Variants in MAGI2 observed in about 807,000 individuals in gnomAD.
The protein encoded by MAGI2 is membrane-associated guanylate kinase, WW and PDZ domain-containing protein 2.
A neutral mutation model predicts 133.3 loss-of-function variants in MAGI2; 35 were observed. That is an observed-to-expected ratio of 0.26 (90% CI 0.20 to 0.35). MAGI2 has a LOEUF of 0.35. Among genes scored for constraint, MAGI2 ranks in the 10% least tolerant of loss-of-function variants. The probability of loss-of-function intolerance (pLI) is 1.00; values close to 1 mark genes in which losing one functional copy is unlikely to be tolerated. For missense variants in MAGI2, 1,636 were observed against 1,863.4 expected (o/e 0.88, Z 2.25); for synonymous variants, 729 against 710.6 (o/e 1.03, Z -0.41).
chr7:78,148,513 A>G (rs1461023924), intron 16 of MAGI2, among the ~76,000 whole-genome samples: 2 of 152,204 alleles, frequency 1.3e-5, no homozygotes, highest in African/African-American at 4.8e-5. Context: ...AAAAAGCAGA[A>G]GGAGATAAGA....
chr7:78,209,093 G>T (rs1465198026), intron 10 of MAGI2, among the ~76,000 whole-genome samples: 2 of 130,712 alleles, frequency 1.5e-5, no homozygotes, highest in Non-Finnish European at 3.4e-5. Flanking sequence ...GTGGTGGCGG[G>T]CGCCTGTAGT....
At chr7:78,609,244 T>C (rs566643815) in intron 3 of MAGI2, among the ~76,000 whole-genome samples, 2 of 152,298 alleles carry the variant, frequency 1.3e-5, no homozygotes, top group South Asian at 4.1e-4. Context: ...TTTGCATCCT[T>C]CAGTGCAATC....
chr7:78,916,687 A>G (rs1431831485), intron 2 of MAGI2, among the ~76,000 whole-genome samples: 1 of 152,106 alleles, frequency 6.6e-6, no homozygotes, highest in Non-Finnish European at 1.5e-5. Flanking sequence ...ATAAACAAAC[A>G]AGATAGTCAC....
chr7:78,173,103 G>A (rs112812145), intron 14 of MAGI2, among the ~76,000 whole-genome samples: 1 of 152,156 alleles, frequency 6.6e-6, no homozygotes, highest in South Asian at 2.1e-4. Context: ...GTAATCTGAG[G>A]AGGCTTATCA....
chr7:78,138,624 T>TTC (rs1291311551), intron 16 of MAGI2, among the ~76,000 whole-genome samples: 6 of 27,138 alleles, frequency 2.2e-4, no homozygotes, highest in African/African-American at 5.8e-4. Context: ...AAAACATAGA[T>TTC]TCACACACAC....
At chr7:78,252,114 T>G (rs1011065996) in intron 10 of MAGI2, 1 of 138,268 alleles carries the variant, frequency 7.2e-6, no homozygotes, top group Non-Finnish European at 1.5e-5. Context: ...CTGTAGCTTA[T>G]GCAACAGAGT....
At chr7:79,028,561 C>T (rs1415522032) in intron 1 of MAGI2, among the ~76,000 whole-genome samples, 1 of 151,796 alleles carries the variant, frequency 6.6e-6, no homozygotes, top group East Asian at 1.9e-4. Context: ...CAGAACGTTA[C>T]TATCTTATTA....
chr7:78,917,870 G>A (rs892640058), intron 2 of MAGI2, among the ~76,000 whole-genome samples: 4 of 152,134 alleles, frequency 2.6e-5, no homozygotes, highest in African/African-American at 9.7e-5. Flanking sequence ...CTAAACAGAA[G>A]CGATTCATAA....
At chr7:78,598,570 G>A (rs1804859734) in intron 3 of MAGI2, among the ~76,000 whole-genome samples, 1 of 152,148 alleles carries the variant, frequency 6.6e-6, no homozygotes, top group East Asian at 1.9e-4. Flanking sequence ...AACCCCAAAG[G>A]ATTTTTAAGC....
At chr7:78,187,134 A>T (rs2150712422) in intron 12 of MAGI2, among the ~76,000 whole-genome samples, 1 of 152,264 alleles carries the variant, frequency 6.6e-6, no homozygotes, top group African/African-American at 2.4e-5. Context: ...TACAGATAAA[A>T]ATTAACTAAA....
At chr7:79,409,300 T>G (rs1846001882) in intron 1 of MAGI2, among the ~76,000 whole-genome samples, 1 of 152,090 alleles carries the variant, frequency 6.6e-6, no homozygotes, top group African/African-American at 2.4e-5. Flanking sequence ...CTCTCCCTCT[T>G]ATTTTTTTAA....
chr7:78,345,557 C>G (rs1790814779), intron 8 of MAGI2: 1 of 204,150 alleles, frequency 4.9e-6, no homozygotes, highest in African/African-American at 2.4e-5. Flanking sequence ...AGGTAATGTC[C>G]ATGAGGAGCT....
At chr7:79,285,541 C>T (rs1169210570) in intron 1 of MAGI2, among the ~76,000 whole-genome samples, 1 of 152,122 alleles carries the variant, frequency 6.6e-6, no homozygotes, top group Non-Finnish European at 1.5e-5. Flanking sequence ...CTTTAGGCAA[C>T]AAGTTTCTAA....
At chr7:78,562,488 T>C (rs181384650) in intron 3 of MAGI2, among the ~76,000 whole-genome samples, 10 of 152,314 alleles carry the variant, frequency 6.6e-5, no homozygotes, top group Admixed American at 6.5e-4. Context: ...GATTGGAACA[T>C]ATTGCAATGG....
chr7:78,687,827 G>A (rs1816503160), intron 2 of MAGI2, among the ~76,000 whole-genome samples: 1 of 151,330 alleles, frequency 6.6e-6, no homozygotes, highest in African/African-American at 2.4e-5. Flanking sequence ...AAATTAGTTG[G>A]GCAGTATTGG....
At chr7:78,608,628 G>A (rs1395706633) in intron 3 of MAGI2, among the ~76,000 whole-genome samples, 1 of 152,036 alleles carries the variant, frequency 6.6e-6, no homozygotes, top group Non-Finnish European at 1.5e-5. Flanking sequence ...TGACTTGAGA[G>A]TTACAATTTA....
chr7:78,957,363 A>G (rs987607456), intron 2 of MAGI2, among the ~76,000 whole-genome samples: 1 of 151,500 alleles, frequency 6.6e-6, no homozygotes, highest in African/African-American at 2.4e-5. Flanking sequence ...CATTGCATAC[A>G]TGTTTTCTAA....
At chr7:78,433,452 G>A (rs1799982222) in intron 6 of MAGI2, among the ~76,000 whole-genome samples, 1 of 151,944 alleles carries the variant, frequency 6.6e-6, no homozygotes, top group Non-Finnish European at 1.5e-5. Flanking sequence ...TTTCCTCTCA[G>A]CCTGCAAACT....
At chr7:78,292,731 CAG>C (rs1796846515) in intron 9 of MAGI2, among the ~76,000 whole-genome samples, 1 of 152,256 alleles carries the variant, frequency 6.6e-6, no homozygotes, top group African/African-American at 2.4e-5. Flanking sequence ...GGTACGAAAA[CAG>C]AGATATAGAC....
Sources: gnomAD v4.1 joint callset for allele counts (sites outside exome capture counted in the v4.1 genomes callset) on GRCh38, gnomAD v4.1.1 for gene constraint, MANE v1.5 for transcripts, NCBI Gene and HGNC (gene_info 2026-07-23, HGNC 2026-07-21) for gene names.